ESYT2: variants seen among roughly 807,000 people sequenced by gnomAD.
ESYT2 encodes extended synaptotagmin 2, also known as extended synaptotagmin-2.
In ESYT2, 54 loss-of-function variants were observed where a neutral mutation model predicts 107.2. The ratio of observed to expected loss-of-function variants is 0.50; its 90% confidence interval spans 0.40 to 0.63. The LOEUF (loss-of-function observed/expected upper bound fraction) is 0.63. ESYT2 is among the 30% of genes least tolerant of loss of function. ESYT2 has a pLI of 0.00. For synonymous variants in ESYT2, 491 were observed against 434.1 expected (o/e 1.13, Z -1.63); for missense variants, 1,020 against 1,094.5 (o/e 0.93, Z 0.96).
intron 1 of ESYT2, among the ~76,000 whole-genome samples, chr7:158,801,742 C>T (rs867442768): frequency 4.6e-5 from 7 of 152,094 alleles, no homozygotes; most frequent in Admixed American, 1.3e-4. Context: ...CGATTATTCA[C>T]GTTTCTATTA....
At position 158,788,045 on chromosome 7, in the gene ESYT2, G is replaced by C; in HGVS notation, c.706C>G (p.Pro236Ala). 1 of 1,614,038 alleles carries C rather than the reference G, an allele frequency of 6.2e-7. No individual in the cohort carries two copies. The highest frequency in any genetic ancestry group is 1.3e-5 in the African/African-American group (1 of 75,044). Residue 236 changes from proline to alanine, a missense_variant, in exon 6 of 23, where the codon CCC becomes GCC. Pro to Ala is a conservative substitution (Grantham distance 27). Coordinates refer to ENST00000275418, the MANE Select transcript of ESYT2 (RefSeq NM_001367773.1). ...AAGATAGACAAAGCTCCAACTAAGG[G>C]CATATCTCCAATCAACGGTTCCAGG... ...VILEPLIGDM[P>A]LVGALSIFFL...
In ESYT2 at chr7:158,733,681, G is replaced by A. The variant is rs1836819422; in HGVS notation, c.*526C>T. On this transcript the variant is annotated 3_prime_UTR_variant, in exon 23 of 23. Transcript: ENST00000275418. The stretch of plus-strand genomic sequence containing the variant: ...CATACTAGCATTTAATAATATTTCA[G>A]CTTTTCTTTTCAAAAAGAAACACCA... 3 of 152,122 alleles carry A rather than the reference G, an allele frequency of 2.0e-5. No homozygotes were observed. The highest frequency in any genetic ancestry group is 4.4e-5 in the Non-Finnish European group (3 of 68,070). 9.4% of individuals were successfully genotyped at this position (152,122 alleles called of 1,614,324 possible).
intron 7 of ESYT2, among the ~76,000 whole-genome samples, chr7:158,770,939 A>T (rs1167430822): frequency 6.6e-6 from 1 of 152,176 alleles, no homozygotes; most frequent in African/African-American, 2.4e-5. Flanking sequence ...CCTTGAGCCC[A>T]GGGGGTTGAC....
chr7:158,763,218 A>T, intron 9 of ESYT2, 53 bp from the exon 10 acceptor site: 18 of 1,262,306 alleles, frequency 1.4e-5, no homozygotes, highest in Middle Eastern at 1.9e-4. Flanking sequence ...ATAGTCATAC[A>T]CTGAGTATGA....
Position 158,829,335 on chromosome 7 carries a change from C to T in ESYT2, c.84G>A (p.Val28=), listed in dbSNP as rs1394674032. Reference sequence around the variant, plus strand: ...GCAGCCCGGGCAGCTCCACGCTCAGCACGCCCCCGGGGTTCTCAGGCGCCG... The same window carrying T: ...GCAGCCCGGGCAGCTCCACGCTCAGTACGCCCCCGGGGTTCTCAGGCGCCG... ...GRAAPENPGG[V]LSVELPGLLA... Residue 28 remains valine (V), a synonymous_variant, in exon 1 of 23, where the codon GTG becomes GTA. Transcript: ENST00000275418. 4 of 1,478,994 alleles carry T rather than the reference C, an allele frequency of 2.7e-6. No homozygotes were observed. The highest frequency in any genetic ancestry group is 3.6e-6 in the Non-Finnish European group (4 of 1,123,272). The allele number at this position is 1,478,994 out of a possible 1,614,324, so 91.6% of individuals were successfully genotyped here.
chr7:158,736,332 T>C (rs1836948538), intron 20 of ESYT2, among the ~76,000 whole-genome samples: 1 of 152,212 alleles, frequency 6.6e-6, no homozygotes, highest in Non-Finnish European at 1.5e-5. Context: ...AAACGTAAAC[T>C]GAATTAGCAG....
At position 158,797,957 on chromosome 7, in the gene ESYT2, G is replaced by A. The variant is rs113877369; in HGVS notation, c.492C>T (p.Val164=). Residue 164 remains valine (V), a synonymous_variant, in exon 3 of 23, where the codon GTC becomes GTT. Transcript: ENST00000275418. ...THLSTFSFTK[V]DVGQQPLRIN... ...GAACACTGACCTGCTGGCCCACGTC[G>A]ACCTTCGTGAAACTAAAGGTGCTAA... The A allele has an allele frequency of 1.2e-3, 1,950 of 1,613,928 alleles. 22 individuals are homozygous for A. In the African/African-American group the frequency reaches 0.018, roughly 15 times the overall value.
intron 6 of ESYT2, among the ~76,000 whole-genome samples, chr7:158,777,060 A>G (rs1838594716): frequency 6.6e-6 from 1 of 151,106 alleles, no homozygotes; most frequent in Non-Finnish European, 1.5e-5. Flanking sequence ...AGGTGTTTTC[A>G]CTATGTTGAC....
intron 6 of ESYT2, among the ~76,000 whole-genome samples, chr7:158,784,990 G>C (rs1258070676): frequency 6.6e-6 from 1 of 152,130 alleles, no homozygotes; most frequent in Admixed American, 6.5e-5. Context: ...ACAAGACTAA[G>C]GACTCTGAAA....
chr7:158,784,253 G>A (rs551246940), intron 6 of ESYT2, among the ~76,000 whole-genome samples: 2 of 152,356 alleles, frequency 1.3e-5, no homozygotes, highest in Admixed American at 1.3e-4. Flanking sequence ...AGTTACTAAC[G>A]TGTGGTCTGA....
chr7:158,808,368 C>T (rs548474684), intron 1 of ESYT2, among the ~76,000 whole-genome samples: 28 of 152,372 alleles, frequency 1.8e-4, no homozygotes, highest in Middle Eastern at 6.8e-3. Flanking sequence ...CTGTCTTGAT[C>T]GTCAGCTCAA....
intron 1 of ESYT2, among the ~76,000 whole-genome samples, chr7:158,821,997 G>A (rs2129474308): frequency 6.6e-6 from 1 of 151,780 alleles, no homozygotes; most frequent in Admixed American, 6.6e-5. Context: ...ACCACAGCCC[G>A]CCTCCCAGGT....
At position 158,829,119 on chromosome 7, in the gene ESYT2, C is replaced by A; in HGVS notation, c.300G>T (p.Leu100=). The A allele has an allele frequency of 6.3e-7, 1 of 1,578,518 alleles. No homozygotes were observed. Among genetic ancestry groups the A allele is most frequent in the Non-Finnish European group, 8.5e-7 (1 of 1,171,472 alleles). Residue 100 remains leucine, a synonymous_variant, in exon 1 of 23, where the codon CTG becomes CTT. Transcript: ENST00000275418. ...CGGGCAGGTCGCAGGCGCGCACCCC[C>A]AGGCGCACGACGCGCTCCTCGTCTT... ...LLEDEERVVR[L]GVRACDLPAW... is the part of the protein sequence containing the mutation.
chr7:158,806,135 C>CGTAGGAGG (rs879897131), intron 1 of ESYT2, among the ~76,000 whole-genome samples: 100,522 of 148,656 alleles, frequency 0.68, 35,601 homozygotes, highest in Non-Finnish European at 0.77. Flanking sequence ...GTGGGAGGTG[C>CGTAGGAGG]CGGGGCACAC....
At chr7:158,787,241 A>G (rs940138929) in intron 6 of ESYT2, among the ~76,000 whole-genome samples, 10 of 152,250 alleles carry the variant, frequency 6.6e-5, no homozygotes, top group African/African-American at 2.4e-4. Context: ...CAACAACAAC[A>G]CAGTATACGT....
intron 1 of ESYT2, among the ~76,000 whole-genome samples, chr7:158,803,477 A>G (rs913012684): frequency 9.9e-5 from 15 of 152,232 alleles, no homozygotes; most frequent in Admixed American, 5.2e-4. Flanking sequence ...GGAAGCACTC[A>G]GCATACTACA....
At chr7:158,801,989 C>T (rs184396017) in intron 1 of ESYT2, among the ~76,000 whole-genome samples, 19 of 152,240 alleles carry the variant, frequency 1.2e-4, no homozygotes, top group Admixed American at 9.2e-4. Context: ...GAAAACAAAA[C>T]GCCTCGGGGG....
chr7:158,828,576 G>C (rs1322860042), intron 1 of ESYT2, among the ~76,000 whole-genome samples: 1 of 152,216 alleles, frequency 6.6e-6, no homozygotes, highest in Non-Finnish European at 1.5e-5. Flanking sequence ...GGACGGCGAG[G>C]GGAGGCTTCA....
chr7:158,799,188 A>C lies in ESYT2; in HGVS notation c.331-116T>G, dbSNP rs887554641. ...CCTATGTTTACAAGATGCTTCTTTA[A>C]AACACTCTGCTCTAAAGCTTGGGAA... On this transcript the variant is annotated intron_variant, in intron 1 of 22. Transcript: ENST00000275418. 4.4e-6 allele frequency: 4 copies of C among 911,134 alleles called. No individual in the cohort carries two copies. The Admixed American group carries it at 6.2e-5, about 14-fold the overall frequency. The allele number at this position is 911,134 out of a possible 1,614,324, so 56.4% of individuals were successfully genotyped here. A position where few individuals can be genotyped will look rare whatever the true frequency, so the allele number is the denominator to read the frequency against.
Sources: gnomAD v4.1 joint callset for allele counts (sites outside exome capture counted in the v4.1 genomes callset) on GRCh38, gnomAD v4.1.1 for gene constraint, MANE v1.5 for transcripts, NCBI Gene and HGNC (gene_info 2026-07-23, HGNC 2026-07-21) for gene names.